Variants in DCC observed in about 807,000 individuals in gnomAD.
DCC encodes DCC netrin 1 receptor.
In DCC, 58 loss-of-function variants were observed where a neutral mutation model predicts 172.5. That is an observed-to-expected ratio of 0.34 (90% confidence interval 0.27 to 0.42). The LOEUF (loss-of-function observed/expected upper bound fraction) is 0.42, where lower values mean the gene tolerates loss of function less well. Among genes scored for constraint, DCC ranks in the 10% least tolerant of loss-of-function variants. DCC has a pLI of 1.00. For missense variants in DCC, 1,740 were observed against 1,791.0 expected (o/e 0.97, Z 0.51); for synonymous variants, 709 against 644.5 (o/e 1.10, Z -1.52).
intron 22 of DCC, among the ~76,000 whole-genome samples, chr18:53,436,108 A>G (rs925487886): frequency 6.6e-6 from 1 of 152,154 alleles, no homozygotes; most frequent in Non-Finnish European, 1.5e-5. Context: ...GCTTCTTAAC[A>G]CTGTTCCTCA....
intron 28 of DCC, 38 bp from the exon 29 acceptor site, chr18:53,530,526 T>C (rs557272907): frequency 9.1e-7 from 1 of 1,103,426 alleles, no homozygotes; most frequent in African/African-American, 1.5e-5. Flanking sequence ...AATGGATCAA[T>C]ATTTGTTACT....
intron 2 of DCC, among the ~76,000 whole-genome samples, chr18:52,835,278 A>G (rs1674354837): frequency 6.6e-6 from 1 of 151,326 alleles, no homozygotes; most frequent in Non-Finnish European, 1.5e-5. Context: ...TTGTTTTCCA[A>G]ACACAAGAAT....
chr18:53,479,827 G>C (rs1423548320), intron 25 of DCC, among the ~76,000 whole-genome samples: 2 of 152,102 alleles, frequency 1.3e-5, no homozygotes, highest in Non-Finnish European at 2.9e-5. Flanking sequence ...TAATATCTTA[G>C]AGATTTCTTC....
rs115987955 is a variant in DCC, at chr18:52,919,674, C to T, written c.698-4033C>T. On this transcript the variant is annotated intron_variant, in intron 3 of 28. Transcript: ENST00000442544. ...CTGAATAAGTCCAGTGATGCCTGGA[C>T]CACTGATATTTTAAAACAAAGATTA... 2.1e-3 allele frequency among the ~76,000 whole-genome samples: 315 copies of T among 151,256 alleles called. 1 individual carries two copies. Among genetic ancestry groups the T allele is most frequent in the African/African-American group, 7.2e-3 (299 of 41,252 alleles).
At chr18:52,515,183 T>G (rs992643898) in intron 1 of DCC, among the ~76,000 whole-genome samples, 2 of 152,086 alleles carry the variant, frequency 1.3e-5, no homozygotes, top group Non-Finnish European at 2.9e-5. Context: ...TCAAAGCCAA[T>G]TCAATGGAGA....
At chr18:52,857,298 T>C (rs989526033) in intron 2 of DCC, among the ~76,000 whole-genome samples, 4 of 152,212 alleles carry the variant, frequency 2.6e-5, no homozygotes, top group Middle Eastern at 3.2e-3. Context: ...TACATGCTAA[T>C]GGATGGGCAA....
intron 2 of DCC, among the ~76,000 whole-genome samples, chr18:52,772,453 A>G (rs148028297): frequency 6.6e-6 from 1 of 152,190 alleles, no homozygotes; most frequent in Non-Finnish European, 1.5e-5. Context: ...ATAAGTTTAG[A>G]GTTGAAAAAT....
At chr18:52,885,116 A>G (rs985970502) in intron 2 of DCC, among the ~76,000 whole-genome samples, 2 of 152,126 alleles carry the variant, frequency 1.3e-5, no homozygotes, top group Non-Finnish European at 2.9e-5. Context: ...TGAAGCAAAC[A>G]CAACACTGGG....
chr18:52,458,647 A>C (rs1389119109), intron 1 of DCC, among the ~76,000 whole-genome samples: 4 of 152,204 alleles, frequency 2.6e-5, no homozygotes, highest in African/African-American at 4.8e-5. Flanking sequence ...AGATTCATTC[A>C]GAATAAAGAA....
intron 1 of DCC, among the ~76,000 whole-genome samples, chr18:52,594,868 G>T (rs150703509): frequency 1.3e-3 from 199 of 152,270 alleles, no homozygotes; most frequent in Non-Finnish European, 2.4e-3. Flanking sequence ...CATACCCAAA[G>T]CACCTTCCAC....
chr18:53,343,788 AT>A (rs926636310), intron 15 of DCC, among the ~76,000 whole-genome samples: 1 of 151,828 alleles, frequency 6.6e-6, no homozygotes, highest in African/African-American at 2.4e-5. Flanking sequence ...TGGACCTGAG[AT>A]TTTTTTTATA....
At chr18:53,026,385 C>T (rs1023363898) in intron 5 of DCC, among the ~76,000 whole-genome samples, 2 of 152,022 alleles carry the variant, frequency 1.3e-5, no homozygotes, top group Non-Finnish European at 2.9e-5. Flanking sequence ...TGTTATAGAG[C>T]ATTGTCAACT....
chr18:53,110,712 C>G (rs572643341), intron 7 of DCC, among the ~76,000 whole-genome samples: 1,682 of 138,518 alleles, frequency 0.012, 23 homozygotes, highest in Non-Finnish European at 0.014. Flanking sequence ...CCATCTCACA[C>G]CAGTTAGAAT....
intron 7 of DCC, among the ~76,000 whole-genome samples, chr18:53,150,471 A>G (rs2043981168): frequency 6.6e-6 from 1 of 152,214 alleles, no homozygotes; most frequent in Admixed American, 6.5e-5. Flanking sequence ...AAAGTGATAA[A>G]CAGTTTAGAC....
chr18:52,349,833 G>A (rs1057488451), intron 1 of DCC, among the ~76,000 whole-genome samples: 3 of 152,102 alleles, frequency 2.0e-5, no homozygotes, highest in Non-Finnish European at 4.4e-5. Context: ...TACCACTCCA[G>A]AAGCTTAATC....
chr18:52,451,063 G>A (rs1170111274), intron 1 of DCC, among the ~76,000 whole-genome samples: 1 of 152,206 alleles, frequency 6.6e-6, no homozygotes, highest in African/African-American at 2.4e-5. Context: ...AAGTAACCAT[G>A]TAGAACATTA....
At chr18:53,228,176 T>A (rs2056064601) in intron 12 of DCC, among the ~76,000 whole-genome samples, 1 of 152,172 alleles carries the variant, frequency 6.6e-6, no homozygotes, top group Admixed American at 6.6e-5. Flanking sequence ...AATACATTTG[T>A]GTTTCTTTTC....
chr18:53,362,460 A>G (rs975526492), intron 15 of DCC, among the ~76,000 whole-genome samples: 2 of 152,162 alleles, frequency 1.3e-5, no homozygotes, highest in African/African-American at 4.8e-5. Flanking sequence ...TTGTTGGTCA[A>G]GTTACTTAAA....
chr18:52,392,222 AGGTTCTTGATGTGCAATTTAG>A (rs1986056126), intron 1 of DCC, among the ~76,000 whole-genome samples: 1 of 152,122 alleles, frequency 6.6e-6, no homozygotes, highest in African/African-American at 2.4e-5. Context: ...AATTGTCTTG[AGGTTCTTGATGTGCAATTTAG>A]TAAACTGAAA....
Sources: allele counts gnomAD v4.1 joint callset (sites outside exome capture counted in the v4.1 genomes callset), GRCh38; gene constraint gnomAD v4.1.1; transcripts MANE v1.5; gene names NCBI Gene and HGNC (gene_info 2026-07-23, HGNC 2026-07-21).